TBC1D8: variants seen among roughly 807,000 people sequenced by gnomAD.
TBC1D8 encodes the protein TBC1 domain family member 8.
In TBC1D8, 65 loss-of-function variants were observed where a neutral mutation model predicts 118.8. The ratio of observed to expected loss-of-function variants is 0.55; its 90% confidence interval spans 0.45 to 0.67. The LOEUF (loss-of-function observed/expected upper bound fraction) is 0.67. Ranked by LOEUF, TBC1D8 falls within the 30% of genes least tolerant of loss-of-function variation. The pLI, the probability that TBC1D8 is intolerant of heterozygous loss-of-function variation, is 0.00. For synonymous variants in TBC1D8, 566 were observed against 595.8 expected (o/e 0.95, Z 0.73); for missense variants, 1,376 against 1,471.2 (o/e 0.94, Z 1.06).
intron 1 of TBC1D8, among the ~76,000 whole-genome samples, chr2:101,139,513 C>A (rs1310614693): frequency 6.6e-6 from 1 of 152,074 alleles, no homozygotes; most frequent in Non-Finnish European, 1.5e-5. Context: ...AGACCCCTCC[C>A]TCCTTCTCAC....
In TBC1D8 at chr2:101,007,923, GTC is replaced by G; in HGVS notation, c.3364_3365del (p.Asp1122HisfsTer6). 1.9e-6 allele frequency: 3 copies of G among 1,614,030 alleles called. No homozygotes were observed. Among genetic ancestry groups the G allele is most frequent in the Non-Finnish European group, 2.5e-6 (3 of 1,179,902 alleles). On this transcript the variant is annotated frameshift_variant, in exon 20 of 20. Coordinates refer to ENST00000409318, the MANE Select transcript of TBC1D8 (RefSeq NM_001330348.2). LOFTEE classifies it high-confidence loss of function. The stretch of plus-strand genomic sequence containing the variant: ...TGGCATTTTCAAGTTTGGATTTCAT[GTC>G]CAGTGGCTTTTCAAAAAAGTTGACT... The part of the protein sequence containing the change: ...SLVNFFEKPL[D>X]MKSKLENAKI...
chr2:101,028,217 G>A, intron 13 of TBC1D8, 71 bp from the exon 14 acceptor site: 1 of 1,601,168 alleles, frequency 6.2e-7, no homozygotes, highest in Admixed American at 1.7e-5. Context: ...AAGTGGCCCA[G>A]GAACCTCCTT....
At chr2:101,015,966 AACCCTAGAAGAAAACCTAGGC>A (rs1481932767) in intron 17 of TBC1D8, among the ~76,000 whole-genome samples, 1 of 151,914 alleles carries the variant, frequency 6.6e-6, no homozygotes, top group African/African-American at 2.4e-5. Context: ...AAACCATAAA[AACCCTAGAAGAAAACCTAGGC>A]ATTACCATTC....
At chr2:101,107,914 C>T (rs747431527) in intron 1 of TBC1D8, among the ~76,000 whole-genome samples, 28 of 152,124 alleles carry the variant, frequency 1.8e-4, no homozygotes, top group Middle Eastern at 3.4e-3. Flanking sequence ...TACCCTTGAG[C>T]CAGGCATGGT....
At chr2:101,039,444 C>G (rs1681241754) in intron 6 of TBC1D8, among the ~76,000 whole-genome samples, 1 of 152,132 alleles carries the variant, frequency 6.6e-6, no homozygotes, top group South Asian at 2.1e-4. Context: ...ACAGTGAAAC[C>G]CTCCTCTCTA....
intron 17 of TBC1D8, among the ~76,000 whole-genome samples, chr2:101,011,997 C>T (rs374220045): frequency 5.3e-4 from 81 of 152,136 alleles, no homozygotes; most frequent in African/African-American, 1.9e-3. Flanking sequence ...TGTACTTACA[C>T]GATTTCTTTT....
intron 11 of TBC1D8, among the ~76,000 whole-genome samples, chr2:101,030,900 A>G (rs574340968): frequency 6.6e-6 from 1 of 152,352 alleles, no homozygotes; most frequent in East Asian, 1.9e-4. Context: ...CCTGTCCTCC[A>G]TGATTACATT....
At position 101,038,623 on chromosome 2, in the gene TBC1D8, G is replaced by A. The variant is rs766136151; in HGVS notation, c.1113C>T (p.Ser371=). The change falls in exon 7 of 20, where the codon AGC becomes AGT. Residue 371 remains serine (S), a synonymous_variant. Transcript: ENST00000409318. The stretch of plus-strand genomic sequence containing the variant: ...TGACAATGATGGGATGCGGCAGCAG[G>A]CTCGTGTCCTCCATCTTCTCGATGC... The part of the protein sequence containing the change: ...VVSIEKMEDT[S]LLPHPIIVSI... 1.2e-6 allele frequency: 2 copies of A among 1,613,982 alleles called. No individual in the cohort carries two copies. Among genetic ancestry groups the A allele is most frequent in the East Asian group, 2.2e-5 (1 of 44,882 alleles).
intron 17 of TBC1D8, among the ~76,000 whole-genome samples, chr2:101,012,579 A>G (rs1271099719): frequency 1.3e-5 from 2 of 151,876 alleles, no homozygotes; most frequent in African/African-American, 4.8e-5. Flanking sequence ...GGGTGATGCA[A>G]TGGTCTAAAA....
At chr2:101,034,422 C>A (rs866399807) in intron 9 of TBC1D8, among the ~76,000 whole-genome samples, 1 of 152,154 alleles carries the variant, frequency 6.6e-6, no homozygotes, top group South Asian at 2.1e-4. Flanking sequence ...TATGACAAAG[C>A]GAAGGGGCCA....
At chr2:101,086,384 C>T (rs1488527085) in intron 2 of TBC1D8, among the ~76,000 whole-genome samples, 1 of 152,082 alleles carries the variant, frequency 6.6e-6, no homozygotes, top group Non-Finnish European at 1.5e-5. Flanking sequence ...AATACATACA[C>T]AGAATGATGC....
At chr2:101,031,494 T>C (rs992870341) in intron 11 of TBC1D8, among the ~76,000 whole-genome samples, 1 of 152,206 alleles carries the variant, frequency 6.6e-6, no homozygotes, top group Admixed American at 6.5e-5. Flanking sequence ...TTCCCAGGGC[T>C]GCCACCTTAA....
intron 1 of TBC1D8, among the ~76,000 whole-genome samples, chr2:101,113,826 C>T (rs6543018): frequency 0.64 from 96,884 of 152,046 alleles, 31,027 homozygotes; most frequent in East Asian, 0.8. Flanking sequence ...TGCTCTGCGG[C>T]GGATTCCGGC....
intron 17 of TBC1D8, among the ~76,000 whole-genome samples, chr2:101,014,530 A>G (rs766139472): frequency 3.9e-5 from 6 of 152,198 alleles, no homozygotes; most frequent in Non-Finnish European, 8.8e-5. Flanking sequence ...AATCTTTAGA[A>G]TGACTGTTTT....
chr2:101,046,800 G>A (rs916425581), intron 5 of TBC1D8, among the ~76,000 whole-genome samples: 5 of 152,068 alleles, frequency 3.3e-5, no homozygotes, highest in Admixed American at 3.3e-4. Context: ...ACCTGCCTCT[G>A]GGCAGCCGCT....
intron 1 of TBC1D8, among the ~76,000 whole-genome samples, chr2:101,122,051 G>C (rs1678134233): frequency 6.6e-6 from 1 of 151,090 alleles, no homozygotes; most frequent in African/African-American, 2.4e-5. Context: ...GGGCATCGCA[G>C]TGAGACTCCA....
chr2:101,049,522 T>A (rs1413132089), intron 5 of TBC1D8, among the ~76,000 whole-genome samples: 3 of 150,064 alleles, frequency 2.0e-5, no homozygotes, highest in African/African-American at 4.9e-5. Context: ...TGGTCAGGAG[T>A]TCAAGACCAG....
At chr2:101,110,472 C>A (rs1271102871) in intron 1 of TBC1D8, among the ~76,000 whole-genome samples, 1 of 152,128 alleles carries the variant, frequency 6.6e-6, no homozygotes, top group African/African-American at 2.4e-5. Flanking sequence ...CCCAGAAGTA[C>A]ATCTGAGCAG....
chr2:101,067,392 C>T (rs1270568427), intron 2 of TBC1D8, among the ~76,000 whole-genome samples: 4 of 152,072 alleles, frequency 2.6e-5, no homozygotes, highest in Non-Finnish European at 4.4e-5. Context: ...TCGTGGGGGA[C>T]GTTGAGATCA....
Sources: gnomAD v4.1 joint callset for allele counts (sites outside exome capture counted in the v4.1 genomes callset) on GRCh38, gnomAD v4.1.1 for gene constraint, MANE v1.5 for transcripts, NCBI Gene and HGNC (gene_info 2026-07-23, HGNC 2026-07-21) for gene names.